Variants in SMARCC1 observed in about 807,000 individuals in gnomAD.
The protein encoded by SMARCC1 is SWI/SNF related BAF chromatin remodeling complex subunit C1, also known as SWI/SNF complex subunit SMARCC1.
SMARCC1 carries 43 observed loss-of-function variants against 147.4 expected under a neutral mutation model. The ratio of observed to expected loss-of-function variants is 0.29; its 90% CI spans 0.23 to 0.38. SMARCC1 has a LOEUF of 0.38. SMARCC1 is among the 10% of genes least tolerant of loss of function. The pLI, the probability that SMARCC1 is intolerant of heterozygous loss-of-function variation, is 1.00. For synonymous variants in SMARCC1, 495 were observed against 484.4 expected, an observed-to-expected ratio of 1.02 and a Z score of -0.29; for missense variants, 1,119 against 1,381.1, an observed-to-expected ratio of 0.81 and a Z score of 3.01.
rs1052719322 is a variant in SMARCC1, at chr3:47,725,599, C to T, written c.646+3426G>A. ...CCAAATAGCTGGAATGACAGGGGCC[C>T]GCCACCATGCCCAGCTATTTTTTTG... On this transcript the variant is annotated intron_variant, in intron 6 of 27. Coordinates refer to ENST00000254480, the MANE Select transcript of SMARCC1 (RefSeq NM_003074.4). Among the ~76,000 whole-genome samples, 36 of 152,000 alleles carry T rather than the reference C, an allele frequency of 2.4e-4. 1 individual carries two copies. The highest frequency in any genetic ancestry group is 2.3e-3 in the Admixed American group (35 of 15,264).
At chr3:47,680,258 C>T (rs1366209197) in intron 15 of SMARCC1, 179 bp downstream of exon 15, 9 of 536,146 alleles carry the variant, frequency 1.7e-5, no homozygotes, top group Admixed American at 3.7e-5. Flanking sequence ...AAACAAAAAA[C>T]GAAACTAGAT....
chr3:47,713,847 A>G (rs954343894), intron 8 of SMARCC1, among the ~76,000 whole-genome samples: 5 of 152,060 alleles, frequency 3.3e-5, no homozygotes, highest in African/African-American at 9.7e-5. Context: ...GTGATGTTCA[A>G]CTCTACTCCT....
At chr3:47,611,603 A>G (rs1265902922) in intron 25 of SMARCC1, among the ~76,000 whole-genome samples, 1 of 152,200 alleles carries the variant, frequency 6.6e-6, no homozygotes, top group East Asian at 1.9e-4. Flanking sequence ...AGGGAAGTAT[A>G]ACATTTTTGC....
chr3:47,661,107 T>C (rs1394094422), intron 21 of SMARCC1, among the ~76,000 whole-genome samples, 187 bp downstream of exon 21: 1 of 152,204 alleles, frequency 6.6e-6, no homozygotes, highest in Non-Finnish European at 1.5e-5. Context: ...AGTTACAAGA[T>C]AATTTTTTAG....
At chr3:47,679,079 T>C (rs867694959) in intron 15 of SMARCC1, among the ~76,000 whole-genome samples, 6 of 152,084 alleles carry the variant, frequency 3.9e-5, no homozygotes, top group Non-Finnish European at 2.9e-5. Flanking sequence ...TGTCACAAAA[T>C]ATAGTACTTA....
intron 21 of SMARCC1, among the ~76,000 whole-genome samples, chr3:47,642,737 CT>C (rs1244861928): frequency 6.6e-6 from 1 of 152,056 alleles, no homozygotes; most frequent in Non-Finnish European, 1.5e-5. Flanking sequence ...AGTACATATG[CT>C]TTGGGAAAAA....
At chr3:47,735,977 C>A in intron 5 of SMARCC1, 57 bp downstream of exon 5, 1 of 761,600 alleles carries the variant, frequency 1.3e-6, no homozygotes. Context: ...TAGAGGCTTA[C>A]AACTACAAAA....
In SMARCC1 at chr3:47,674,543, G is replaced by A. The variant is rs147885278; in HGVS notation, c.1839+932C>T. 1.3e-4 allele frequency among the ~76,000 whole-genome samples: 19 copies of A among 151,976 alleles called. 1 individual carries two copies. The East Asian group carries it at 3.5e-3, about 28-fold the overall frequency. On this transcript the variant is annotated intron_variant, in intron 18 of 27. Coordinates refer to ENST00000254480, the MANE Select transcript of SMARCC1 (RefSeq NM_003074.4). ...ATGTAATATGTTCTTCTCTACCCTC[G>A]CCCCCACCCTCCATGTCTGCTTTTA...
intron 27 of SMARCC1, 116 bp downstream of exon 27, chr3:47,590,545 G>T: frequency 1.2e-6 from 1 of 841,374 alleles, no homozygotes; most frequent in Non-Finnish European, 1.7e-6. Context: ...CACTGTCACA[G>T]ACTGCATCAT....
At chr3:47,679,646 G>A (rs2033616926) in intron 15 of SMARCC1, among the ~76,000 whole-genome samples, 1 of 152,152 alleles carries the variant, frequency 6.6e-6, no homozygotes, top group South Asian at 2.1e-4. Context: ...TGGATCACTT[G>A]AGGTCAGGAG....
chr3:47,679,592 T>G (rs1362737213), intron 15 of SMARCC1, among the ~76,000 whole-genome samples: 1 of 152,200 alleles, frequency 6.6e-6, no homozygotes, highest in Non-Finnish European at 1.5e-5. Flanking sequence ...CCGGGCTTGG[T>G]GGCTCACGCC....
chr3:47,636,784 ATATATGTGTGTGTGTG>A (rs1386577634), intron 22 of SMARCC1, among the ~76,000 whole-genome samples: 6 of 67,640 alleles, frequency 8.9e-5, no homozygotes, highest in African/African-American at 1.7e-4. Context: ...AACAAAATAT[ATATATGTGTGTGTGTG>A]TGTGTGTGTG....
chr3:47,742,331 C>T (rs1181686579), intron 3 of SMARCC1, among the ~76,000 whole-genome samples: 1 of 151,884 alleles, frequency 6.6e-6, no homozygotes, highest in Non-Finnish European at 1.5e-5. Flanking sequence ...TAAACAACGT[C>T]CTAATCTCTG....
At position 47,729,029 on chromosome 3, in the gene SMARCC1, G is replaced by A. The variant is rs184251353; in HGVS notation, c.642C>T (p.Asp214=). 1.5e-4 allele frequency: 245 copies of A among 1,606,106 alleles called. No individual in the cohort carries two copies. The highest frequency in any genetic ancestry group is 2.7e-4 in the East Asian group (12 of 44,776). The change falls in exon 6 of 28, where the codon GAC becomes GAT. Residue 214 remains aspartate (D), a synonymous_variant. Coordinates refer to ENST00000254480, the MANE Select transcript of SMARCC1 (RefSeq NM_003074.4). Reference sequence around the variant, plus strand: ...CACAACGCAAAACTAACTTACCATCGTCTTGTGAGGAAGAATATGGGTAAA... The same window carrying A: ...CACAACGCAAAACTAACTTACCATCATCTTGTGAGGAAGAATATGGGTAAA... ...HHIYPYSSSQ[D]DEEWLRPVMR...
At chr3:47,710,838 C>A in intron 8 of SMARCC1, 30 bp from the exon 9 acceptor site, 1 of 1,567,620 alleles carries the variant, frequency 6.4e-7, no homozygotes. Flanking sequence ...TCAATATCTA[C>A]ATAAATAACA....
chr3:47,762,679 T>C (rs1219171492), intron 2 of SMARCC1, among the ~76,000 whole-genome samples: 1 of 152,214 alleles, frequency 6.6e-6, no homozygotes, highest in African/African-American at 2.4e-5. Context: ...CCCAGCACTT[T>C]GGGAGGCCGA....
chr3:47,710,916 T>A, intron 8 of SMARCC1, 108 bp from the exon 9 acceptor site: 1 of 742,336 alleles, frequency 1.3e-6, no homozygotes, highest in Non-Finnish European at 2.1e-6. Flanking sequence ...CTCAAATGCA[T>A]AAAACATTAA....
At chr3:47,688,664 C>T (rs1029248451) in intron 13 of SMARCC1, among the ~76,000 whole-genome samples, 6 of 152,038 alleles carry the variant, frequency 3.9e-5, no homozygotes, top group South Asian at 2.1e-4. Flanking sequence ...GGAAGTAGCT[C>T]GCAATAAGGC....
intron 24 of SMARCC1, among the ~76,000 whole-genome samples, chr3:47,624,748 T>C (rs1250726714): frequency 6.6e-6 from 1 of 152,114 alleles, no homozygotes; most frequent in Non-Finnish European, 1.5e-5. Context: ...GGGCAAGCGA[T>C]GATTCAAAAA....
Sources: allele counts gnomAD v4.1 joint callset (sites outside exome capture counted in the v4.1 genomes callset), GRCh38; gene constraint gnomAD v4.1.1; transcripts MANE v1.5; gene names NCBI Gene and HGNC (gene_info 2026-07-23, HGNC 2026-07-21).